ANKS1B: variants seen among roughly 807,000 people sequenced by gnomAD.
The protein encoded by ANKS1B is ankyrin repeat and sterile alpha motif domain-containing protein 1B.
ANKS1B carries 36 observed loss-of-function variants against 148.3 expected under a neutral mutation model. The ratio of observed to expected loss-of-function variants is 0.24; its 90% confidence interval spans 0.19 to 0.32. The LOEUF (loss-of-function observed/expected upper bound fraction) is 0.32. ANKS1B is among the 10% of genes least tolerant of loss of function. The probability of loss-of-function intolerance (pLI) is 1.00; values close to 1 mark genes in which losing one functional copy is unlikely to be tolerated. For synonymous variants in ANKS1B, 542 were observed against 560.8 expected, an observed-to-expected ratio of 0.97 and a Z score of 0.47; for missense variants, 1,157 against 1,542.6, an observed-to-expected ratio of 0.75 and a Z score of 4.19.
At chr12:98,891,573 G>T (rs1243605565) in intron 17 of ANKS1B, among the ~76,000 whole-genome samples, 1 of 152,062 alleles carries the variant, frequency 6.6e-6, no homozygotes, top group Non-Finnish European at 1.5e-5. Context: ...ACAGTTATGT[G>T]GGAAGATAAA....
intron 17 of ANKS1B, among the ~76,000 whole-genome samples, chr12:98,966,530 C>G (rs577941040): frequency 6.6e-6 from 1 of 152,200 alleles, no homozygotes; most frequent in Admixed American, 6.5e-5. Flanking sequence ...ACCATTTGAC[C>G]CAGCCATCAC....
At chr12:99,377,695 C>T (rs2093448129) in intron 12 of ANKS1B, among the ~76,000 whole-genome samples, 2 of 152,138 alleles carry the variant, frequency 1.3e-5, no homozygotes, top group Non-Finnish European at 2.9e-5. Flanking sequence ...AAGGCATTTG[C>T]ATGTTTAAGT....
chr12:99,231,885 G>C (rs978785782), intron 14 of ANKS1B, among the ~76,000 whole-genome samples: 1 of 152,180 alleles, frequency 6.6e-6, no homozygotes, highest in Non-Finnish European at 1.5e-5. Flanking sequence ...GACATATTTA[G>C]GAGAAAGAGC....
intron 17 of ANKS1B, among the ~76,000 whole-genome samples, chr12:98,890,214 C>T (rs937665166): frequency 2.6e-5 from 4 of 152,070 alleles, no homozygotes; most frequent in Non-Finnish European, 5.9e-5. Context: ...GGCTTTGTCC[C>T]AAATTTGGTT....
chr12:99,914,067 C>T (rs559384900), intron 1 of ANKS1B, among the ~76,000 whole-genome samples: 1 of 152,296 alleles, frequency 6.6e-6, no homozygotes, highest in Non-Finnish European at 1.5e-5. Context: ...AAAGGACCCA[C>T]AGTTCTTTCT....
chr12:99,337,463 A>G (rs1284137811), intron 12 of ANKS1B, among the ~76,000 whole-genome samples: 1 of 152,124 alleles, frequency 6.6e-6, no homozygotes, highest in Non-Finnish European at 1.5e-5. Context: ...TCTGTCTGAA[A>G]GGTTACATAT....
chr12:99,195,222 A>G (rs2081251971), intron 14 of ANKS1B, among the ~76,000 whole-genome samples: 1 of 152,132 alleles, frequency 6.6e-6, no homozygotes, highest in Non-Finnish European at 1.5e-5. Flanking sequence ...TACTGACTTT[A>G]TTGACTCCAT....
chr12:99,802,162 G>A (rs1483570589), intron 4 of ANKS1B, among the ~76,000 whole-genome samples: 4 of 152,128 alleles, frequency 2.6e-5, no homozygotes, highest in Non-Finnish European at 5.9e-5. Flanking sequence ...CTCTTAGCAT[G>A]GAAACTTGTA....
At chr12:99,484,712 T>A (rs2096462702) in intron 10 of ANKS1B, among the ~76,000 whole-genome samples, 1 of 151,476 alleles carries the variant, frequency 6.6e-6, no homozygotes, top group African/African-American at 2.4e-5. Flanking sequence ...ATCTTTTTGC[T>A]GGGTTGACCC....
intron 8 of ANKS1B, among the ~76,000 whole-genome samples, chr12:99,727,586 T>C (rs773155347): frequency 3.3e-5 from 5 of 152,178 alleles, no homozygotes; most frequent in Non-Finnish European, 5.9e-5. Flanking sequence ...ATAGATTCAA[T>C]GCTATTCCCA....
At chr12:99,893,867 A>G in intron 1 of ANKS1B, among the ~76,000 whole-genome samples, 1 of 151,930 alleles carries the variant, frequency 6.6e-6, no homozygotes, top group Non-Finnish European at 1.5e-5. Flanking sequence ...TATATACCAC[A>G]TTTTCCTTAT....
At chr12:99,703,288 G>A (rs1329537946) in intron 8 of ANKS1B, among the ~76,000 whole-genome samples, 3 of 152,206 alleles carry the variant, frequency 2.0e-5, no homozygotes, top group Non-Finnish European at 1.5e-5. Context: ...GGTTTCCTGG[G>A]ATACAAATGC....
At chr12:99,522,614 T>A (rs1054067387) in intron 9 of ANKS1B, among the ~76,000 whole-genome samples, 11 of 152,242 alleles carry the variant, frequency 7.2e-5, no homozygotes, top group Non-Finnish European at 7.3e-5. Flanking sequence ...TAAAAGGTTC[T>A]ATGCTTCAGT....
At chr12:99,276,913 A>G (rs1216600474) in intron 12 of ANKS1B, among the ~76,000 whole-genome samples, 1 of 152,208 alleles carries the variant, frequency 6.6e-6, no homozygotes, top group African/African-American at 2.4e-5. Context: ...TGGATGTTAC[A>G]TGATCTCTGT....
intron 17 of ANKS1B, among the ~76,000 whole-genome samples, chr12:98,920,345 T>G (rs2152902729): frequency 6.6e-6 from 1 of 152,330 alleles, no homozygotes; most frequent in Non-Finnish European, 1.5e-5. Context: ...GCCAAAATAT[T>G]ACTGTATTAG....
intron 1 of ANKS1B, among the ~76,000 whole-genome samples, chr12:99,948,490 C>A (rs562647674): frequency 6.6e-6 from 1 of 152,288 alleles, no homozygotes. Flanking sequence ...ATATTCTAGG[C>A]TCTTTGAAAA....
chr12:98,769,856 G>T (rs1485995274), intron 25 of ANKS1B, among the ~76,000 whole-genome samples: 1 of 152,208 alleles, frequency 6.6e-6, no homozygotes, highest in Non-Finnish European at 1.5e-5. Flanking sequence ...TCATGTTGAT[G>T]TTCAATGCAA....
chr12:99,228,390 A>C (rs1220194112), intron 14 of ANKS1B, among the ~76,000 whole-genome samples: 1 of 149,386 alleles, frequency 6.7e-6, no homozygotes, highest in Non-Finnish European at 1.5e-5. Flanking sequence ...CATGTTCTTA[A>C]AATACAAACA....
At chr12:99,933,880 G>T (rs76498229) in intron 1 of ANKS1B, among the ~76,000 whole-genome samples, 3,170 of 152,114 alleles carry the variant, frequency 0.021, 104 homozygotes, top group African/African-American at 0.073. Flanking sequence ...TGGGTCTGTT[G>T]TATATTGCTT....
Sources: allele counts gnomAD v4.1 joint callset (sites outside exome capture counted in the v4.1 genomes callset), GRCh38; gene constraint gnomAD v4.1.1; transcripts MANE v1.5; gene names NCBI Gene and HGNC (gene_info 2026-07-23, HGNC 2026-07-21).